Variants in AGMO observed in about 807,000 individuals in gnomAD.
The protein encoded by AGMO is glyceryl-ether monooxygenase.
A neutral mutation model predicts 60.2 loss-of-function variants in AGMO; 75 were observed. That is an observed-to-expected ratio of 1.25 (90% confidence interval 1.03 to 1.51). The LOEUF is 1.51. AGMO is among the 40% of genes most tolerant of loss of function. The probability of loss-of-function intolerance (pLI) is 0.00; values close to 1 mark genes in which losing one functional copy is unlikely to be tolerated. For missense variants in AGMO, 763 were observed against 525.5 expected, an observed-to-expected ratio of 1.45 and a Z score of -4.42; for synonymous variants, 261 against 177.1, an observed-to-expected ratio of 1.47 and a Z score of -3.76.
chr7:15,242,994 G>C (rs916790095), intron 12 of AGMO, among the ~76,000 whole-genome samples: 1 of 152,054 alleles, frequency 6.6e-6, no homozygotes, highest in African/African-American at 2.4e-5. Context: ...ACTGGGGCAA[G>C]ATGTCAGTGG....
chr7:15,546,399 TCC>T (rs1784783415), intron 2 of AGMO, among the ~76,000 whole-genome samples: 1 of 152,210 alleles, frequency 6.6e-6, no homozygotes, highest in Non-Finnish European at 1.5e-5. Flanking sequence ...AAAGGACTCA[TCC>T]TGTACCCATA....
chr7:15,298,365 T>C (rs937082578), intron 12 of AGMO, among the ~76,000 whole-genome samples: 3 of 152,088 alleles, frequency 2.0e-5, no homozygotes, highest in African/African-American at 7.2e-5. Context: ...TCTAATTATC[T>C]CATACCTCTT....
In AGMO at chr7:15,402,605, TTAA is replaced by T. The variant is rs1055958376; in HGVS notation, c.610-8429_610-8427del. Among the ~76,000 whole-genome samples the T allele has an allele frequency of 2.7e-4, 40 of 147,592 alleles. 1 individual carries two copies. Among genetic ancestry groups the T allele is most frequent in the Admixed American group, 8.2e-4 (12 of 14,664 alleles). Reference sequence around the variant, plus strand: ...TAACCTTATTAAATATATTTATCATTTAATAATAATATATATTAAATATATTAA... The same window carrying T: ...TAACCTTATTAAATATATTTATCATTTAATAATATATATTAAATATATTAA... On this transcript the variant is annotated intron_variant, in intron 5 of 12. Coordinates refer to ENST00000342526, the MANE Select transcript of AGMO (RefSeq NM_001004320.2).
intron 12 of AGMO, among the ~76,000 whole-genome samples, chr7:15,284,517 T>C (rs550683823): frequency 6.6e-6 from 1 of 151,854 alleles, no homozygotes; most frequent in African/African-American, 2.4e-5. Flanking sequence ...CTAAATTAAA[T>C]CAAGAAGAAA....
intron 12 of AGMO, among the ~76,000 whole-genome samples, chr7:15,283,553 C>A (rs1230119791): frequency 6.6e-6 from 1 of 151,992 alleles, no homozygotes; most frequent in Non-Finnish European, 1.5e-5. Context: ...AATTTACATG[C>A]ACCTAACTCT....
At chr7:15,281,187 G>T (rs1406072508) in intron 12 of AGMO, among the ~76,000 whole-genome samples, 1 of 152,082 alleles carries the variant, frequency 6.6e-6, no homozygotes, top group Non-Finnish European at 1.5e-5. Context: ...AGAGACACAG[G>T]TGCAGTGCTA....
intron 12 of AGMO, among the ~76,000 whole-genome samples, chr7:15,281,917 G>A (rs1318141458): frequency 6.6e-6 from 1 of 152,116 alleles, no homozygotes; most frequent in Non-Finnish European, 1.5e-5. Flanking sequence ...CTACTACAAT[G>A]AGCATCTGAG....
chr7:15,544,656 TA>T, intron 3 of AGMO, 115 bp downstream of exon 3: 1 of 930,270 alleles, frequency 1.1e-6, no homozygotes, highest in Non-Finnish European at 1.5e-6. Context: ...TTTATATCCG[TA>T]AAATATACTA....
chr7:15,119,925 T>C, the AGMO span, among the ~76,000 whole-genome samples: 2 of 128,080 alleles, frequency 1.6e-5, no homozygotes, highest in African/African-American at 6.4e-5. Context: ...AGATAAATCA[T>C]GCATGCTTTT....
intron 3 of AGMO, among the ~76,000 whole-genome samples, chr7:15,481,559 C>A (rs902488322): frequency 2.0e-5 from 3 of 151,928 alleles, no homozygotes; most frequent in African/African-American, 7.3e-5. Flanking sequence ...AACATAACTT[C>A]AAAATGTATA....
the AGMO span, among the ~76,000 whole-genome samples, chr7:15,179,164 T>C: frequency 6.6e-5 from 10 of 152,094 alleles, no homozygotes; most frequent in Non-Finnish European, 1.5e-4. Flanking sequence ...ATAAAACACA[T>C]TCATCCATCA....
At chr7:15,160,780 A>T in the AGMO span, among the ~76,000 whole-genome samples, 1 of 152,156 alleles carries the variant, frequency 6.6e-6, no homozygotes, top group Non-Finnish European at 1.5e-5. Context: ...TGCTAGTATA[A>T]CTATTGCTGT....
At chr7:15,253,543 G>T (rs138192169) in intron 12 of AGMO, among the ~76,000 whole-genome samples, 1 of 152,054 alleles carries the variant, frequency 6.6e-6, no homozygotes, top group African/African-American at 2.4e-5. Flanking sequence ...AGATGAGTCA[G>T]GATGGTATTA....
At chr7:15,232,735 A>G (rs1782293126) in intron 12 of AGMO, among the ~76,000 whole-genome samples, 1 of 151,942 alleles carries the variant, frequency 6.6e-6, no homozygotes, top group African/African-American at 2.4e-5. Flanking sequence ...TCAACACTTC[A>G]GTACTCTATA....
intron 12 of AGMO, among the ~76,000 whole-genome samples, chr7:15,216,264 T>C (rs1056967307): frequency 6.6e-6 from 1 of 152,146 alleles, no homozygotes; most frequent in Admixed American, 6.6e-5. Context: ...ATTAATGGCT[T>C]TGGCTTTGTG....
chr7:15,316,841 T>C (rs1322446822), intron 12 of AGMO, among the ~76,000 whole-genome samples: 1 of 152,180 alleles, frequency 6.6e-6, no homozygotes, highest in African/African-American at 2.4e-5. Context: ...AACATACATT[T>C]AAATTATTTG....
intron 12 of AGMO, among the ~76,000 whole-genome samples, chr7:15,204,107 C>T (rs919956229): frequency 6.6e-6 from 1 of 151,958 alleles, no homozygotes. Flanking sequence ...GAAAATATTT[C>T]AGTAGAAGAA....
intron 3 of AGMO, among the ~76,000 whole-genome samples, chr7:15,478,010 T>C (rs1260073351): frequency 6.6e-6 from 1 of 152,108 alleles, no homozygotes; most frequent in Non-Finnish European, 1.5e-5. Context: ...ACCACACCTT[T>C]CTCCTGTGTA....
intron 12 of AGMO, among the ~76,000 whole-genome samples, chr7:15,356,469 CATTTT>C (rs1226630992): frequency 6.6e-6 from 1 of 151,818 alleles, no homozygotes; most frequent in Non-Finnish European, 1.5e-5. Flanking sequence ...TATAAGATAC[CATTTT>C]ATTGTACTCA....
Sources: allele counts gnomAD v4.1 joint callset (sites outside exome capture counted in the v4.1 genomes callset), GRCh38; gene constraint gnomAD v4.1.1; transcripts MANE v1.5; gene names NCBI Gene and HGNC (gene_info 2026-07-23, HGNC 2026-07-21).